SNX24: variants seen among roughly 807,000 people sequenced by gnomAD.
SNX24 encodes the protein sorting nexin 24, also known as sorting nexin-24.
Under a neutral mutation model 28.7 loss-of-function variants are expected in SNX24, and 22 were observed. The observed-to-expected ratio is 0.77, with a 90% CI of 0.55 to 1.10. The LOEUF (loss-of-function observed/expected upper bound fraction) is 1.10, where lower values mean the gene tolerates loss of function less well. Ranked by LOEUF, SNX24 falls within the 50% of genes least tolerant of loss-of-function variation. The pLI is 0.00. For synonymous variants in SNX24, 69 were observed against 71.5 expected (o/e 0.96, Z 0.18); for missense variants, 221 against 201.1 (o/e 1.10, Z -0.60).
intron 3 of SNX24, among the ~76,000 whole-genome samples, chr5:122,946,408 A>T (rs1455480783): frequency 6.6e-6 from 1 of 152,100 alleles, no homozygotes; most frequent in Non-Finnish European, 1.5e-5. Flanking sequence ...TGAGGAGAGG[A>T]TCTGTTTTTT....
intron 1 of SNX24, among the ~76,000 whole-genome samples, chr5:122,882,855 A>AGT (rs1366054222): frequency 6.6e-6 from 1 of 152,152 alleles, no homozygotes; most frequent in Non-Finnish European, 1.5e-5. Context: ...AGGTCACCCA[A>AGT]GTATATGATT....
At chr5:122,921,895 C>T (rs1235019284) in intron 1 of SNX24, among the ~76,000 whole-genome samples, 5 of 152,198 alleles carry the variant, frequency 3.3e-5, no homozygotes, top group East Asian at 3.9e-4. Context: ...AAACAAATTA[C>T]GTGATTATGG....
At chr5:123,023,954 G>A in intron 5 of SNX24, 1 of 1,614,060 alleles carries the variant, frequency 6.2e-7, no homozygotes, top group Non-Finnish European at 8.5e-7. Context: ...GTTGGTGAGT[G>A]GACGGTCATG....
At chr5:122,945,280 G>A (rs246273) in intron 2 of SNX24, among the ~76,000 whole-genome samples, 117,073 of 152,154 alleles carry the variant, frequency 0.77, 45,918 homozygotes, top group East Asian at 0.99. Flanking sequence ...CAATAATCCA[G>A]GAGAATCTTC....
intron 3 of SNX24, among the ~76,000 whole-genome samples, chr5:122,999,143 C>T (rs981136621): frequency 5.3e-5 from 8 of 151,230 alleles, no homozygotes; most frequent in Non-Finnish European, 1.0e-4. Flanking sequence ...ATACATACTT[C>T]TTTGTCAGAT....
chr5:122,952,997 A>T (rs1760023582), intron 3 of SNX24, among the ~76,000 whole-genome samples: 2 of 152,196 alleles, frequency 1.3e-5, no homozygotes, highest in Admixed American at 6.5e-5. Context: ...TAGGAAAGGG[A>T]ATAATAGAAG....
intron 3 of SNX24, among the ~76,000 whole-genome samples, chr5:122,947,590 G>T (rs895147741): frequency 1.1e-4 from 17 of 152,160 alleles, no homozygotes; most frequent in Non-Finnish European, 2.5e-4. Flanking sequence ...AGGAAATGGG[G>T]ATTATTACAA....
intron 3 of SNX24, among the ~76,000 whole-genome samples, chr5:122,994,224 A>G (rs1456607497): frequency 1.3e-5 from 2 of 152,198 alleles, no homozygotes; most frequent in African/African-American, 2.4e-5. Flanking sequence ...GGACCTAACT[A>G]GAATGCCAGC....
intron 3 of SNX24, among the ~76,000 whole-genome samples, chr5:122,974,654 T>C (rs971019935): frequency 1.3e-4 from 20 of 152,232 alleles, no homozygotes; most frequent in African/African-American, 4.8e-4. Context: ...ACACTGTCAT[T>C]CTCCAAAATC....
At chr5:123,016,687 A>G (rs558768850) in intron 5 of SNX24, among the ~76,000 whole-genome samples, 7 of 152,262 alleles carry the variant, frequency 4.6e-5, no homozygotes, top group South Asian at 2.1e-4. Flanking sequence ...TTGCAGCGCT[A>G]TAAGTGAACT....
intron 5 of SNX24, chr5:123,023,957 C>T (rs1357084862): frequency 3.1e-6 from 5 of 1,614,024 alleles, no homozygotes; most frequent in East Asian, 2.2e-5. Flanking sequence ...GGTGAGTGGA[C>T]GGTCATGCCC....
chr5:122,897,494 C>T (rs1398572004), intron 1 of SNX24, among the ~76,000 whole-genome samples: 1 of 152,092 alleles, frequency 6.6e-6, no homozygotes, highest in Non-Finnish European at 1.5e-5. Context: ...AAGAATGGAT[C>T]ATTTTGAACT....
intron 1 of SNX24, among the ~76,000 whole-genome samples, chr5:122,909,434 G>A (rs747771802): frequency 6.6e-6 from 1 of 152,202 alleles, no homozygotes; most frequent in Non-Finnish European, 1.5e-5. Flanking sequence ...CGTAGGTCAT[G>A]TAGCCAGTAT....
chr5:122,988,775 G>T (rs35479600), intron 3 of SNX24, among the ~76,000 whole-genome samples: 33,032 of 152,078 alleles, frequency 0.22, 4,750 homozygotes, highest in Non-Finnish European at 0.33. Context: ...CTATATTCTT[G>T]ATTTCTTTAC....
chr5:122,956,062 T>C (rs1760194844), intron 3 of SNX24, among the ~76,000 whole-genome samples: 1 of 152,128 alleles, frequency 6.6e-6, no homozygotes. Flanking sequence ...ATGCAGCTTT[T>C]TTTTTTCTCT....
chr5:122,877,654 A>T (rs184552583), intron 1 of SNX24, among the ~76,000 whole-genome samples: 1 of 152,298 alleles, frequency 6.6e-6, no homozygotes, highest in East Asian at 1.9e-4. Flanking sequence ...CGGGGTGCCC[A>T]TGCTCTGTGT....
At chr5:122,907,601 C>T (rs910098778) in intron 1 of SNX24, among the ~76,000 whole-genome samples, 11 of 152,132 alleles carry the variant, frequency 7.2e-5, no homozygotes, top group African/African-American at 2.7e-4. Flanking sequence ...CTAATTTATA[C>T]TTTGCGGTCA....
chr5:122,973,595 T>A (rs150102647), intron 3 of SNX24, among the ~76,000 whole-genome samples: 2,034 of 152,306 alleles, frequency 0.013, 39 homozygotes, highest in African/African-American at 0.032. Context: ...AACTTACTTG[T>A]GCCTTCAGGA....
At chr5:122,890,879 C>G (rs1756939958) in intron 1 of SNX24, 3 of 815,818 alleles carry the variant, frequency 3.7e-6, no homozygotes, top group Non-Finnish European at 5.0e-6. Flanking sequence ...AACTGTAATC[C>G]TTTTTTGTAC....
Sources: gnomAD v4.1 joint callset for allele counts (sites outside exome capture counted in the v4.1 genomes callset) on GRCh38, gnomAD v4.1.1 for gene constraint, MANE v1.5 for transcripts, NCBI Gene and HGNC (gene_info 2026-07-23, HGNC 2026-07-21) for gene names.